PTPRQ: variants seen among roughly 807,000 people sequenced by gnomAD.
PTPRQ encodes phosphatidylinositol phosphatase PTPRQ.
A neutral mutation model predicts 246.0 loss-of-function variants in PTPRQ; 199 were observed. That is an observed-to-expected ratio of 0.81 (90% confidence interval 0.72 to 0.91). The LOEUF (loss-of-function observed/expected upper bound fraction) is 0.91. Ranked by LOEUF, PTPRQ falls within the 40% of genes least tolerant of loss-of-function variation. PTPRQ has a pLI of 0.00. For synonymous variants in PTPRQ, 869 were observed against 853.2 expected, an observed-to-expected ratio of 1.02 and a Z score of -0.32; for missense variants, 2,624 against 2,528.4, an observed-to-expected ratio of 1.04 and a Z score of -0.81.
intron 14 of PTPRQ, among the ~76,000 whole-genome samples, chr12:80,499,461 A>G (rs1362440429): frequency 6.6e-6 from 1 of 151,990 alleles, no homozygotes; most frequent in African/African-American, 2.4e-5. Context: ...TAGGGTCTCA[A>G]GTGTCATTTG....
chr12:80,614,726 T>C (rs376115640), intron 29 of PTPRQ, among the ~76,000 whole-genome samples: 10 of 150,980 alleles, frequency 6.6e-5, no homozygotes, highest in African/African-American at 2.2e-4. Flanking sequence ...TGGGTTCAAA[T>C]ACTGGCGTCT....
At chr12:80,523,546 G>C (rs919390858) in intron 17 of PTPRQ, among the ~76,000 whole-genome samples, 75 of 152,244 alleles carry the variant, frequency 4.9e-4, no homozygotes, top group African/African-American at 1.7e-3. Context: ...ATGTGTCCCA[G>C]ATATTCTGGT....
At chr12:80,613,870 T>C in intron 29 of PTPRQ, 34 bp downstream of exon 29, 2 of 1,462,796 alleles carry the variant, frequency 1.4e-6, no homozygotes, top group South Asian at 1.5e-5. Context: ...ATTACCCAAA[T>C]GACAATGTCA....
chr12:80,558,366 C>T (rs769922544), intron 25 of PTPRQ, among the ~76,000 whole-genome samples: 1 of 151,472 alleles, frequency 6.6e-6, no homozygotes, highest in African/African-American at 2.4e-5. Flanking sequence ...CAAGGTTTCA[C>T]CATGTTGGCC....
In PTPRQ at chr12:80,546,697, G is replaced by C; in HGVS notation, c.4015G>C (p.Val1339Leu). The C allele has an allele frequency of 6.5e-7, 1 of 1,544,894 alleles. No individual in the cohort carries two copies. Among genetic ancestry groups the C allele is most frequent in the African/African-American group, 1.4e-5 (1 of 72,816 alleles). The change falls in exon 24 of 45, where the codon GTT becomes CTT. Residue 1339 changes from valine (V) to leucine (L), a missense_variant and splice_region_variant. Physicochemically the swap from Val to Leu is conservative, Grantham distance 32 (BLOSUM62 1). Transcript: ENST00000644991. ...NVVKFTTQES[V>L]PDVVQNMQCM... ...AGTAAAATTCACAACCCAAGAATCA[G>C]GTTAGATACAGTTTTTGAGCCTAAA...
intron 27 of PTPRQ, among the ~76,000 whole-genome samples, chr12:80,605,430 GATATT>G (rs1398428251): frequency 1.3e-5 from 2 of 151,044 alleles, no homozygotes; most frequent in Non-Finnish European, 3.0e-5. Context: ...ATAAATATAA[GATATT>G]AGTAACATTA....
intron 25 of PTPRQ, among the ~76,000 whole-genome samples, chr12:80,575,845 AAAAAAAAAAAAAG>A (rs1013987583): frequency 6.6e-6 from 1 of 150,668 alleles, no homozygotes; most frequent in Non-Finnish European, 1.5e-5. Context: ...ATCTCAAAAA[AAAAAAAAAAAAAG>A]AAAAAAGAAA....
chr12:80,635,081 C>T lies in PTPRQ; in HGVS notation c.5915+8C>T. The T allele has an allele frequency of 2.6e-6, 4 of 1,550,326 alleles. No individual in the cohort carries two copies. The highest frequency in any genetic ancestry group is 3.5e-6 in the Non-Finnish European group (4 of 1,146,396). On this transcript the variant is annotated splice_region_variant and intron_variant, in intron 35 of 44. Coordinates refer to ENST00000644991, the MANE Select transcript of PTPRQ (RefSeq NM_001145026.2). ...GGACGAGAGATTAACGCGGTGAGCA[C>T]ACTCCTCTGGGTGAACTGTGGTCCA...
Position 80,534,988 on chromosome 12 carries a change from T to C in PTPRQ, c.2936T>C (p.Ile979Thr). The C allele has an allele frequency of 6.5e-7, 1 of 1,548,874 alleles. No homozygotes were observed. The highest frequency in any genetic ancestry group is 8.7e-7 in the Non-Finnish European group (1 of 1,145,976). ...CCTCCTTCAAAACCTAATGGGATTA[T>C]ACAATATTACTCTGTTTATTACAGA... ...WTPPSKPNGI[I>T]QYYSVYYRNT... The change falls in exon 19 of 45, where the codon ATA becomes ACA. Residue 979 changes from isoleucine to threonine, a missense_variant. Physicochemically the swap from Ile to Thr is moderately conservative, Grantham distance 89 (BLOSUM62 -1). Transcript: ENST00000644991.
chr12:80,669,276 G>A, intron 40 of PTPRQ, 63 bp from the exon 41 acceptor site: 1 of 1,536,860 alleles, frequency 6.5e-7, no homozygotes, highest in South Asian at 1.2e-5. Flanking sequence ...CGTAATAACT[G>A]TGGTATACAT....
At chr12:80,521,317 G>T (rs1895477268) in intron 17 of PTPRQ, among the ~76,000 whole-genome samples, 1 of 152,060 alleles carries the variant, frequency 6.6e-6, no homozygotes, top group Non-Finnish European at 1.5e-5. Context: ...AAGGTTGCCT[G>T]TTCACTCTGA....
At chr12:80,676,223 C>T (rs1901132101) in intron 43 of PTPRQ, among the ~76,000 whole-genome samples, 1 of 152,154 alleles carries the variant, frequency 6.6e-6, no homozygotes, top group East Asian at 1.9e-4. Flanking sequence ...ATTGCAGTTT[C>T]TATGAGGAAT....
chr12:80,622,952 T>C (rs80351814), intron 33 of PTPRQ, among the ~76,000 whole-genome samples: 2,399 of 152,174 alleles, frequency 0.016, 67 homozygotes, highest in African/African-American at 0.054. Context: ...TAGGAGAAAT[T>C]ATTTCTCTAG....
At chr12:80,467,593 A>T (rs546896580) in intron 6 of PTPRQ, among the ~76,000 whole-genome samples, 1 of 152,290 alleles carries the variant, frequency 6.6e-6, no homozygotes, top group African/African-American at 2.4e-5. Context: ...AATAGCAAAG[A>T]CTTGCAACCA....
At chr12:80,661,403 G>A (rs1900627542) in intron 39 of PTPRQ, among the ~76,000 whole-genome samples, 1 of 149,690 alleles carries the variant, frequency 6.7e-6, no homozygotes, top group Non-Finnish European at 1.5e-5. Context: ...CACTCCTTTA[G>A]CAATAGGACC....
At chr12:80,479,300 A>G (rs1893942742) in intron 8 of PTPRQ, among the ~76,000 whole-genome samples, 1 of 149,490 alleles carries the variant, frequency 6.7e-6, no homozygotes, top group African/African-American at 2.5e-5. Context: ...AAGGAGAAAT[A>G]AAATACTTTA....
At chr12:80,538,774 TTTA>T (rs1255745584) in intron 19 of PTPRQ, among the ~76,000 whole-genome samples, 10 of 146,370 alleles carry the variant, frequency 6.8e-5, no homozygotes, top group Non-Finnish European at 1.5e-4. Flanking sequence ...ACTGTTTTTT[TTTA>T]ATTGTGTGCT....
At chr12:80,534,830 G>T (rs1895940601) in intron 18 of PTPRQ, 62 bp from the exon 19 acceptor site, 6 of 1,479,764 alleles carry the variant, frequency 4.1e-6, no homozygotes, top group South Asian at 1.4e-5. Context: ...TAAAATTCAG[G>T]CCATTTCAGA....
intron 25 of PTPRQ, among the ~76,000 whole-genome samples, chr12:80,550,830 T>C (rs1003625660): frequency 6.6e-6 from 1 of 152,152 alleles, no homozygotes; most frequent in Non-Finnish European, 1.5e-5. Flanking sequence ...ATAGGAATAC[T>C]CTCTATTCCA....
Sources: allele counts gnomAD v4.1 joint callset (sites outside exome capture counted in the v4.1 genomes callset), GRCh38; gene constraint gnomAD v4.1.1; transcripts MANE v1.5; gene names NCBI Gene and HGNC (gene_info 2026-07-23, HGNC 2026-07-21).